CCSER1: variants seen among roughly 807,000 people sequenced by gnomAD.
CCSER1 encodes the protein serine-rich coiled-coil domain-containing protein 1.
CCSER1 carries 41 observed loss-of-function variants against 82.0 expected under a neutral mutation model. The observed-to-expected ratio is 0.50, with a 90% confidence interval of 0.39 to 0.65. The LOEUF is 0.65. CCSER1 is among the 30% of genes least tolerant of loss of function. The pLI is 0.00. For missense variants in CCSER1, 1,119 were observed against 1,064.2 expected (o/e 1.05, Z -0.72); for synonymous variants, 414 against 383.9 (o/e 1.08, Z -0.92).
chr4:90,449,428 G>A (rs748885988), intron 4 of CCSER1, among the ~76,000 whole-genome samples: 1 of 152,218 alleles, frequency 6.6e-6, no homozygotes, highest in Non-Finnish European at 1.5e-5. Context: ...CAGATTCAAG[G>A]TGGGGCTTCA....
rs1175690764 is a variant in CCSER1 at position 91,296,483 on chromosome 4, A to ATATATATATATATATATATATATTTATT, written c.2217+210492_2217+210493insATATATATATATATATATATTTATTTAT. On this transcript the variant is annotated intron_variant, in intron 10 of 10. Transcript: ENST00000509176. ...TATATATATGTATATATATATATATATATTTTAATTAAATATACAGTTATC... is the reference window on the plus strand; with the variant it reads ...TATATATATGTATATATATATATATATATATATATATATATATATATATTTATTTATTTTAATTAAATATACAGTTATC... Among the ~76,000 whole-genome samples the ATATATATATATATATATATATATTTATT allele has an allele frequency of 1.8e-3, 226 of 123,788 alleles. 10 individuals carry two copies. The highest frequency in any genetic ancestry group is 2.3e-3 in the African/African-American group (68 of 29,144). 81.2% of individuals were successfully genotyped at this position (123,788 alleles called of 152,430 possible).
chr4:91,121,849 C>T (rs1164251984), intron 10 of CCSER1, among the ~76,000 whole-genome samples: 1 of 151,402 alleles, frequency 6.6e-6, no homozygotes, highest in Non-Finnish European at 1.5e-5. Flanking sequence ...TACTTAATTT[C>T]TTTTGACATC....
intron 10 of CCSER1, among the ~76,000 whole-genome samples, chr4:91,178,832 A>T (rs1733690283): frequency 6.6e-6 from 1 of 151,890 alleles, no homozygotes; most frequent in Non-Finnish European, 1.5e-5. Context: ...TGTGAATTTG[A>T]TCCTGTCATT....
intron 10 of CCSER1, among the ~76,000 whole-genome samples, chr4:91,430,571 ATTAAAGGTGTT>A (rs1754238533): frequency 6.6e-6 from 1 of 152,264 alleles, no homozygotes; most frequent in African/African-American, 2.4e-5. Flanking sequence ...CTGAAAGAAT[ATTAAAGGTGTT>A]ATTTAGTTCT....
intron 5 of CCSER1, among the ~76,000 whole-genome samples, chr4:90,605,842 A>G (rs1296585026): frequency 1.3e-5 from 2 of 152,152 alleles, no homozygotes; most frequent in Non-Finnish European, 2.9e-5. Flanking sequence ...TTAAGACAAT[A>G]AAAATATTTG....
intron 1 of CCSER1, among the ~76,000 whole-genome samples, chr4:90,155,815 A>G (rs1728022878): frequency 6.6e-6 from 1 of 151,630 alleles, no homozygotes; most frequent in Non-Finnish European, 1.5e-5. Context: ...GATCCTTTCA[A>G]AAAACCAGCT....
At chr4:90,668,100 T>C (rs555343670) in intron 6 of CCSER1, among the ~76,000 whole-genome samples, 5 of 152,194 alleles carry the variant, frequency 3.3e-5, no homozygotes, top group Non-Finnish European at 7.3e-5. Flanking sequence ...CCTGGTAATG[T>C]AAACTTGCCT....
At chr4:91,397,837 T>A (rs1752081331) in intron 10 of CCSER1, among the ~76,000 whole-genome samples, 2 of 151,928 alleles carry the variant, frequency 1.3e-5, no homozygotes, top group South Asian at 4.1e-4. Flanking sequence ...TGGTGTGAAA[T>A]AACAGAATAA....
chr4:90,545,446 A>G (rs1776640445), intron 5 of CCSER1, among the ~76,000 whole-genome samples: 1 of 152,130 alleles, frequency 6.6e-6, no homozygotes, highest in South Asian at 2.1e-4. Context: ...TAAATATATA[A>G]TTTCATGTGT....
At chr4:90,927,094 G>A (rs1029840008) in intron 9 of CCSER1, among the ~76,000 whole-genome samples, 17 of 152,006 alleles carry the variant, frequency 1.1e-4, no homozygotes, top group Non-Finnish European at 2.1e-4. Context: ...TTCTGACAGT[G>A]AGAAATTCAG....
At chr4:90,996,266 G>A (rs1468439622) in intron 9 of CCSER1, among the ~76,000 whole-genome samples, 1 of 151,980 alleles carries the variant, frequency 6.6e-6, no homozygotes, top group Non-Finnish European at 1.5e-5. Context: ...ATTTTAATAA[G>A]GCAATCTTTA....
chr4:90,502,482 A>G (rs952710370), intron 5 of CCSER1, among the ~76,000 whole-genome samples: 18 of 152,162 alleles, frequency 1.2e-4, no homozygotes, highest in Admixed American at 4.6e-4. Flanking sequence ...CACAGAGCCA[A>G]ACTATATCAC....
intron 9 of CCSER1, among the ~76,000 whole-genome samples, chr4:90,998,763 T>TA (rs1737735810): frequency 6.6e-6 from 1 of 151,898 alleles, no homozygotes; most frequent in Non-Finnish European, 1.5e-5. Flanking sequence ...TGAGAGTACA[T>TA]ATGCAAGTTT....
intron 5 of CCSER1, among the ~76,000 whole-genome samples, chr4:90,595,634 G>A (rs1365829607): frequency 6.6e-6 from 1 of 151,836 alleles, no homozygotes; most frequent in East Asian, 1.9e-4. Context: ...TTAGATCCTT[G>A]GGTGGTTCTG....
intron 6 of CCSER1, among the ~76,000 whole-genome samples, chr4:90,690,353 G>A (rs536273558): frequency 1.3e-5 from 2 of 152,100 alleles, no homozygotes; most frequent in South Asian, 4.1e-4. Context: ...AGTATTAAAA[G>A]TGTATGTCTG....
intron 7 of CCSER1, among the ~76,000 whole-genome samples, chr4:90,755,744 T>G (rs1749420671): frequency 6.6e-6 from 1 of 152,182 alleles, no homozygotes; most frequent in Admixed American, 6.5e-5. Context: ...AAACAAAAAC[T>G]TGAAACTTCT....
intron 1 of CCSER1, among the ~76,000 whole-genome samples, chr4:90,233,072 C>T (rs1744954025): frequency 1.3e-5 from 2 of 152,090 alleles, no homozygotes; most frequent in African/African-American, 4.8e-5. Flanking sequence ...GTGGCGATTC[C>T]TCAGGGATCT....
At chr4:90,456,859 A>G (rs1430433831) in intron 4 of CCSER1, among the ~76,000 whole-genome samples, 1 of 152,122 alleles carries the variant, frequency 6.6e-6, no homozygotes, top group African/African-American at 2.4e-5. Context: ...ATGTCATAGG[A>G]TCCTCAGGGT....
At chr4:91,054,441 C>T (rs1363411057) in intron 9 of CCSER1, among the ~76,000 whole-genome samples, 1 of 151,928 alleles carries the variant, frequency 6.6e-6, no homozygotes, top group African/African-American at 2.4e-5. Flanking sequence ...GTTTATTGAG[C>T]CTTTTATTAA....
Sources: allele counts gnomAD v4.1 joint callset (sites outside exome capture counted in the v4.1 genomes callset), GRCh38; gene constraint gnomAD v4.1.1; transcripts MANE v1.5; gene names NCBI Gene and HGNC (gene_info 2026-07-23, HGNC 2026-07-21).